DNAH2: variants seen among roughly 807,000 people sequenced by gnomAD.
The protein encoded by DNAH2 is axonemal beta dynein heavy chain 2.
DNAH2 carries 323 observed loss-of-function variants against 523.5 expected under a neutral mutation model. The ratio of observed to expected loss-of-function variants is 0.62; its 90% CI spans 0.56 to 0.68. The LOEUF (loss-of-function observed/expected upper bound fraction) is 0.68. Among genes scored for constraint, DNAH2 ranks in the 30% least tolerant of loss-of-function variants. The pLI is 0.00. For missense variants in DNAH2, 4,907 were observed against 5,701.5 expected, an observed-to-expected ratio of 0.86 and a Z score of 4.49; for synonymous variants, 2,093 against 2,177.4, an observed-to-expected ratio of 0.96 and a Z score of 1.08.
chr17:7,814,818 C>G, intron 63 of DNAH2, among the ~76,000 whole-genome samples: 1 of 152,198 alleles, frequency 6.6e-6, no homozygotes, highest in East Asian at 1.9e-4. Context: ...CATTGCACTC[C>G]AGCCTGGGAG....
rs192556506 is a variant in DNAH2, at chr17:7,818,879, G to A, written c.10671-40G>A. 1,137 of 1,607,060 alleles carry A rather than the reference G, an allele frequency of 7.1e-4. 6 individuals carry two copies. The African/African-American group carries it at 8.3e-3, about 12-fold the overall frequency. ...ACAGCATCCCAGGGAGCCTGGTCCCGCTAACCCCTTGCTCCATGTGCCTCT... is the reference window on the plus strand; with the variant it reads ...ACAGCATCCCAGGGAGCCTGGTCCCACTAACCCCTTGCTCCATGTGCCTCT... On this transcript the variant is annotated intron_variant, in intron 70 of 85. Coordinates refer to ENST00000572933, the MANE Select transcript of DNAH2 (RefSeq NM_020877.5).
At chr17:7,749,050 T>C (rs1378714521) in intron 12 of DNAH2, among the ~76,000 whole-genome samples, 3 of 151,338 alleles carry the variant, frequency 2.0e-5, no homozygotes, top group Admixed American at 2.0e-4. Flanking sequence ...GGCTCGCATC[T>C]GTAATCCCAG....
intron 12 of DNAH2, 82 bp from the exon 13 acceptor site, chr17:7,757,009 C>G: frequency 6.3e-7 from 1 of 1,577,872 alleles, no homozygotes. Context: ...CCTGTGCTTC[C>G]CAGCCTCTCC....
rs557299238 is a variant in DNAH2, at chr17:7,780,972, G to A, written c.6004-70G>A. The A allele has an allele frequency of 5.0e-4, 798 of 1,608,968 alleles. No homozygotes were observed. Among genetic ancestry groups the A allele is most frequent in the Non-Finnish European group, 6.4e-4 (750 of 1,178,214 alleles). ...ATCCATTGTTCTTGGCACGTGCCCC[G>A]AAGCCCTTTGGAGGTGAAAGGCCTA... On this transcript the variant is annotated intron_variant, in intron 38 of 85. Transcript: ENST00000572933. This position sits in a 1 kb window ranked among gnomAD's most constrained non-coding sequence, Gnocchi z 4.4.
intron 12 of DNAH2, among the ~76,000 whole-genome samples, chr17:7,751,246 C>A (rs529786784): frequency 6.6e-6 from 1 of 151,722 alleles, no homozygotes; most frequent in Non-Finnish European, 1.5e-5. Flanking sequence ...TGGGTTCAAG[C>A]GATTTCTGGC....
intron 63 of DNAH2, among the ~76,000 whole-genome samples, chr17:7,810,512 C>G (rs1383536779): frequency 2.0e-5 from 3 of 152,224 alleles, no homozygotes; most frequent in African/African-American, 7.2e-5. Flanking sequence ...CCTCAGCCTC[C>G]CGAGTAGCTG....
At position 7,802,036 on chromosome 17, in the gene DNAH2, G is replaced by A. The variant is rs2077237810; in HGVS notation, c.8972+19G>A. The A allele has an allele frequency of 6.2e-7, 1 of 1,613,446 alleles. No homozygotes were observed. Among genetic ancestry groups the A allele is most frequent in the Non-Finnish European group, 8.5e-7 (1 of 1,179,846 alleles). ...ATAAGAAGTATGAAGGGGGGCAGGG[G>A]ATGTGCAGGGCCAGGGAGGCTGGTG... On this transcript the variant is annotated intron_variant, in intron 58 of 85. Transcript: ENST00000572933.
intron 10 of DNAH2, 46 bp from the exon 11 acceptor site, chr17:7,740,764 C>T (rs1214515136): frequency 2.5e-6 from 4 of 1,578,624 alleles, no homozygotes; most frequent in Non-Finnish European, 3.5e-6. Context: ...CCGGAGGGAA[C>T]CCGCCTTCCC....
At chr17:7,764,882 A>G (rs2076117739) in intron 20 of DNAH2, among the ~76,000 whole-genome samples, 1 of 114,762 alleles carries the variant, frequency 8.7e-6, no homozygotes, top group Non-Finnish European at 1.7e-5. Context: ...TCCATCCATT[A>G]CCCAGGCTGG....
At position 7,805,327 on chromosome 17, in the gene DNAH2, G is replaced by A. The variant is rs1272168257; in HGVS notation, c.9376G>A (p.Val3126Met). The change falls in exon 61 of 86, where the codon GTG (valine) becomes ATG (methionine). Residue 3126 changes from valine (V) to methionine (M), a missense_variant. Transcript: ENST00000572933. ...ACGGCCCCCAGCCCAAGTGGAGATAGTGATGCAGGCAGTTATGATTCTTCG... is the reference window on the plus strand; with the variant it reads ...ACGGCCCCCAGCCCAAGTGGAGATAATGATGCAGGCAGTTATGATTCTTCG... Reference protein sequence around the residue: ...YGRPPAQVEIVMQAVMILRGN... With the variant: ...YGRPPAQVEIMMQAVMILRGN... 2 of 1,614,288 alleles carry A rather than the reference G, an allele frequency of 1.2e-6. No individual in the cohort carries two copies. Among genetic ancestry groups the A allele is most frequent in the Non-Finnish European group, 1.7e-6 (2 of 1,180,052 alleles).
chr17:7,737,333 C>A (rs548262120), intron 8 of DNAH2, 75 bp downstream of exon 8: 2 of 1,469,992 alleles, frequency 1.4e-6, no homozygotes, highest in South Asian at 1.2e-5. Flanking sequence ...GGAATGCATT[C>A]GGCAGAGGAT....
At chr17:7,792,581 C>A in intron 46 of DNAH2, 76 bp from the exon 47 acceptor site, 2 of 1,279,988 alleles carry the variant, frequency 1.6e-6, no homozygotes, top group Non-Finnish European at 2.2e-6. Flanking sequence ...ACAGTGGTGA[C>A]GTAGAGGGAA....
At chr17:7,734,878 G>T (rs1399166951) in intron 7 of DNAH2, among the ~76,000 whole-genome samples, 170 bp downstream of exon 7, 1 of 151,150 alleles carries the variant, frequency 6.6e-6, no homozygotes, top group Non-Finnish European at 1.5e-5. Flanking sequence ...TAGAATAGAG[G>T]GTCCCTAAGG....
In DNAH2 at chr17:7,734,245, A is replaced by C. The variant is rs1044930881; in HGVS notation, c.691A>C (p.Lys231Gln). Residue 231 changes from lysine to glutamine, a missense_variant, in exon 6 of 86, where the codon AAG becomes CAG. This residue lies in a region of DNAH2 where 2,806 missense variants were observed against 3,190.8 expected (regional missense o/e 0.88). Transcript: ENST00000572933. ...LYIPAEAMNMKPEMVIKDKEL... is the reference protein window; with the variant it reads ...LYIPAEAMNMQPEMVIKDKEL... Reference sequence around the variant, plus strand: ...CATCCCTGCAGAGGCCATGAACATGAAGCCTGAGATGGTGATAAAGGACAA... The same window carrying C: ...CATCCCTGCAGAGGCCATGAACATGCAGCCTGAGATGGTGATAAAGGACAA... 1 of 1,607,612 alleles carries C rather than the reference A, an allele frequency of 6.2e-7. No individual in the cohort carries two copies. The highest frequency in any genetic ancestry group is 1.7e-5 in the Admixed American group (1 of 59,000).
rs148616814 is a variant in DNAH2 at position 7,793,752 on chromosome 17, A to C, written c.7570-502A>C. On this transcript the variant is annotated intron_variant, in intron 48 of 85. Transcript: ENST00000572933. ...AGTGTTGGCATTACAGGCCTGAGCC[A>C]TGCTCCCGGCTGCTTCTCTTTAATC... Among the ~76,000 whole-genome samples, 766 of 151,948 alleles carry C rather than the reference A, an allele frequency of 5.0e-3. 10 individuals carry two copies. Among genetic ancestry groups the C allele is most frequent in the African/African-American group, 0.017 (713 of 41,408 alleles).
At chr17:7,730,968 A>G (rs886349795) in intron 4 of DNAH2, among the ~76,000 whole-genome samples, 1 of 151,904 alleles carries the variant, frequency 6.6e-6, no homozygotes, top group Non-Finnish European at 1.5e-5. Flanking sequence ...TACAAAAAAA[A>G]TTAGCTGGGC....
chr17:7,754,118 G>A lies in DNAH2; in HGVS notation c.1905-2973G>A, dbSNP rs1199811807. ...GAGGGAATGGGAAGAAAAGAGTGACGGGGATCTGTGGACGACATTCTTTAA... is the reference window on the plus strand; with the variant it reads ...GAGGGAATGGGAAGAAAAGAGTGACAGGGATCTGTGGACGACATTCTTTAA... On this transcript the variant is annotated intron_variant, in intron 12 of 85. Transcript: ENST00000572933. This position sits in a 1 kb window ranked among gnomAD's most constrained non-coding sequence, Gnocchi z 4.6. Among the ~76,000 whole-genome samples the A allele has an allele frequency of 3.3e-5, 5 of 152,042 alleles. No homozygotes were observed. The highest frequency in any genetic ancestry group is 4.8e-5 in the African/African-American group (2 of 41,372).
chr17:7,809,622 G>A (rs1179586454), intron 63 of DNAH2, among the ~76,000 whole-genome samples: 7 of 152,186 alleles, frequency 4.6e-5, no homozygotes, highest in African/African-American at 1.2e-4. Flanking sequence ...ATAATTAGGA[G>A]TGGTTCCTCA....
chr17:7,738,472 G>A (rs1309473708), intron 8 of DNAH2, among the ~76,000 whole-genome samples: 1 of 152,084 alleles, frequency 6.6e-6, no homozygotes, highest in East Asian at 1.9e-4. Flanking sequence ...TGGGACTACA[G>A]GTGCCCGCCA....
Sources: gnomAD v4.1 joint callset for allele counts (sites outside exome capture counted in the v4.1 genomes callset) on GRCh38, gnomAD v4.1.1 for gene constraint, gnomAD v4.1.1 regional missense constraint, Gnocchi (gnomAD v3.1) non-coding constraint, MANE v1.5 for transcripts, NCBI Gene and HGNC (gene_info 2026-07-23, HGNC 2026-07-21) for gene names.